AGBL1: variants seen among roughly 807,000 people sequenced by gnomAD.
AGBL1 encodes cytosolic carboxypeptidase 4.
In AGBL1, 130 loss-of-function variants were observed where a neutral mutation model predicts 118.9. That is an observed-to-expected ratio of 1.09 (90% CI 0.95 to 1.26). The LOEUF (loss-of-function observed/expected upper bound fraction) is 1.26. AGBL1 is among the 50% of genes most tolerant of loss of function. The pLI is 0.00. For missense variants in AGBL1, 1,584 were observed against 1,298.1 expected, an observed-to-expected ratio of 1.22 and a Z score of -3.38; for synonymous variants, 555 against 478.9, an observed-to-expected ratio of 1.16 and a Z score of -2.08.
intron 21 of AGBL1, among the ~76,000 whole-genome samples, chr15:86,610,350 G>A (rs1221505157): frequency 1.3e-5 from 2 of 152,178 alleles, no homozygotes; most frequent in Non-Finnish European, 2.9e-5. Flanking sequence ...GTAAACAAAA[G>A]TTTAAGATTA....
intron 22 of AGBL1, among the ~76,000 whole-genome samples, chr15:86,754,686 G>T (rs905705140): frequency 6.6e-6 from 1 of 152,008 alleles, no homozygotes; most frequent in Non-Finnish European, 1.5e-5. Context: ...CTTCCACTCC[G>T]GTGTTCAATT....
At chr15:86,553,011 T>G (rs1174242550) in intron 20 of AGBL1, among the ~76,000 whole-genome samples, 1 of 151,988 alleles carries the variant, frequency 6.6e-6, no homozygotes, top group African/African-American at 2.4e-5. Flanking sequence ...CCAGAGAGAG[T>G]AAGAGATTTG....
intron 3 of AGBL1, among the ~76,000 whole-genome samples, chr15:86,150,263 G>C (rs956631511): frequency 6.6e-6 from 1 of 152,098 alleles, no homozygotes; most frequent in Non-Finnish European, 1.5e-5. Flanking sequence ...CATAAGGCAA[G>C]AAATAACTAA....
chr15:86,554,478 G>GC lies in AGBL1; in HGVS notation c.2935_2936insC (p.Val979AlafsTer65). The GC allele has an allele frequency of 6.3e-7, 1 of 1,584,912 alleles. No homozygotes were observed. Among genetic ancestry groups the GC allele is most frequent in the Admixed American group, 1.8e-5 (1 of 54,830 alleles). On this transcript the variant is annotated frameshift_variant, in exon 21 of 23. Transcript: ENST00000614907. LOFTEE classifies it high-confidence loss of function. ...GGTGGTGGTGTGGAGAGAGATGGGG[G>GC]TGTCCAGAAGCTACACCATGGAAAG...
intron 17 of AGBL1, among the ~76,000 whole-genome samples, chr15:86,342,609 A>T (rs539979432): frequency 1.6e-4 from 24 of 152,234 alleles, no homozygotes; most frequent in Admixed American, 1.2e-3. Context: ...ACAGAGGGAC[A>T]GGATGATGAA....
intron 24 of AGBL1, among the ~76,000 whole-genome samples, chr15:86,993,362 C>CA (rs1458065726): frequency 2.0e-5 from 3 of 152,090 alleles, no homozygotes; most frequent in African/African-American, 4.8e-5. Flanking sequence ...CTGTGATAGG[C>CA]AATAATATAA....
chr15:86,576,678 C>T (rs1212875338), intron 21 of AGBL1, among the ~76,000 whole-genome samples: 1 of 152,154 alleles, frequency 6.6e-6, no homozygotes, highest in African/African-American at 2.4e-5. Flanking sequence ...CTTGAATTCC[C>T]ATGTGTTGTG....
intron 18 of AGBL1, among the ~76,000 whole-genome samples, chr15:86,467,032 C>T (rs373511384): frequency 2.9e-4 from 44 of 152,328 alleles, no homozygotes; most frequent in African/African-American, 8.7e-4. Context: ...CTTCAGAACC[C>T]GCGTGCAGGA....
chr15:86,432,563 T>C (rs972435034), intron 18 of AGBL1, among the ~76,000 whole-genome samples: 8 of 152,222 alleles, frequency 5.3e-5, no homozygotes, highest in Non-Finnish European at 8.8e-5. Flanking sequence ...TCACTATTGA[T>C]GTTGACCTTG....
At chr15:86,277,473 A>G (rs1446203757) in intron 15 of AGBL1, among the ~76,000 whole-genome samples, 3 of 151,956 alleles carry the variant, frequency 2.0e-5, no homozygotes, top group Non-Finnish European at 4.4e-5. Context: ...TTTCCATTTC[A>G]CTGCAGCTGT....
At chr15:86,214,211 ACTGT>A (rs1203519819) in intron 5 of AGBL1, among the ~76,000 whole-genome samples, 2 of 152,122 alleles carry the variant, frequency 1.3e-5, no homozygotes, top group Non-Finnish European at 2.9e-5. Context: ...TGAATCAGAA[ACTGT>A]CTGCTGGGTG....
At chr15:86,925,646 G>A (rs977669477) in intron 23 of AGBL1, among the ~76,000 whole-genome samples, 1 of 151,036 alleles carries the variant, frequency 6.6e-6, no homozygotes, top group Non-Finnish European at 1.5e-5. Flanking sequence ...GTGCTGACAG[G>A]CTTCCTCTCA....
chr15:86,707,788 A>G (rs2086479297), intron 22 of AGBL1, among the ~76,000 whole-genome samples: 1 of 152,130 alleles, frequency 6.6e-6, no homozygotes, highest in Non-Finnish European at 1.5e-5. Context: ...TCTTCTGAGC[A>G]TTTTCCTAGA....
chr15:86,548,971 AG>A (rs1440369330), intron 20 of AGBL1, among the ~76,000 whole-genome samples: 1 of 152,038 alleles, frequency 6.6e-6, no homozygotes, highest in African/African-American at 2.4e-5. Flanking sequence ...AGCCAGGAAA[AG>A]AGTCAGGGGG....
At chr15:86,439,254 TA>T (rs374166082) in intron 18 of AGBL1, among the ~76,000 whole-genome samples, 1 of 152,292 alleles carries the variant, frequency 6.6e-6, no homozygotes, top group Non-Finnish European at 1.5e-5. Context: ...TGCCAATATT[TA>T]AACGTTGAAA....
intron 18 of AGBL1, among the ~76,000 whole-genome samples, chr15:86,470,017 G>A (rs1033529109): frequency 6.6e-6 from 1 of 152,142 alleles, no homozygotes; most frequent in African/African-American, 2.4e-5. Context: ...CCCCCATTCT[G>A]TAGGTTGTTC....
At chr15:86,262,967 C>T in intron 10 of AGBL1, 73 bp downstream of exon 10, 1 of 1,076,088 alleles carries the variant, frequency 9.3e-7, no homozygotes, top group Non-Finnish European at 1.4e-6. Flanking sequence ...GAGGCCAAAC[C>T]AGGGTGTCCA....
intron 23 of AGBL1, among the ~76,000 whole-genome samples, chr15:86,982,564 G>C (rs1446092053): frequency 6.6e-6 from 1 of 152,000 alleles, no homozygotes; most frequent in African/African-American, 2.4e-5. Context: ...CACCTCGCCT[G>C]CCTCTGTCAT....
At chr15:86,644,968 C>G (rs903999202) in intron 21 of AGBL1, among the ~76,000 whole-genome samples, 1 of 151,684 alleles carries the variant, frequency 6.6e-6, no homozygotes, top group Non-Finnish European at 1.5e-5. Context: ...TTGCAGCGAG[C>G]GGAGATCAAG....
Sources: allele counts gnomAD v4.1 joint callset (sites outside exome capture counted in the v4.1 genomes callset), GRCh38; gene constraint gnomAD v4.1.1; transcripts MANE v1.5; gene names NCBI Gene and HGNC (gene_info 2026-07-23, HGNC 2026-07-21).